The following CFAP95 variants were observed in gnomAD, a reference collection of about 807,000 sequenced individuals.
CFAP95 encodes cilia- and flagella-associated protein 95.
the CFAP95 span, among the ~76,000 whole-genome samples, chr9:69,900,773 C>G: frequency 6.6e-6 from 1 of 152,120 alleles, no homozygotes; most frequent in South Asian, 2.1e-4. Flanking sequence ...CTTAGTGGTT[C>G]CCTCTGTCTG....
the CFAP95 span, chr9:69,844,751 T>A: frequency 9.9e-6 from 6 of 607,468 alleles, no homozygotes; most frequent in Non-Finnish European, 1.7e-5. Context: ...CTTAGATGAC[T>A]TAGTCACTGT....
chr9:69,897,919 G>C, the CFAP95 span, among the ~76,000 whole-genome samples: 2 of 152,084 alleles, frequency 1.3e-5, no homozygotes, highest in African/African-American at 4.8e-5. Context: ...AGAAGGAAGA[G>C]AACAAGAAGA....
chr9:69,864,998 TATAATCCCC>T, the CFAP95 span, among the ~76,000 whole-genome samples: 8 of 152,196 alleles, frequency 5.3e-5, no homozygotes, highest in East Asian at 1.9e-4. Flanking sequence ...CATCTTGAAT[TATAATCCCC>T]ATAATCCCCA....
chr9:69,821,611 A>G, the CFAP95 span, among the ~76,000 whole-genome samples: 2 of 152,186 alleles, frequency 1.3e-5, no homozygotes, highest in East Asian at 1.9e-4. Flanking sequence ...TAGGGTGTAC[A>G]TGGAGTGATT....
the CFAP95 span, among the ~76,000 whole-genome samples, chr9:69,867,310 A>G: frequency 1.9e-4 from 29 of 152,314 alleles, no homozygotes; most frequent in East Asian, 5.4e-3. Context: ...TGGCATCCTG[A>G]TGGGCTGATG....
the CFAP95 span, chr9:69,902,298 G>T: frequency 2.2e-6 from 1 of 453,234 alleles, no homozygotes; most frequent in Non-Finnish European, 4.4e-6. Flanking sequence ...TCTTCTCTAA[G>T]CCTTCATAGC....
At chr9:69,871,574 T>TAA in the CFAP95 span, among the ~76,000 whole-genome samples, 20 of 132,040 alleles carry the variant, frequency 1.5e-4, no homozygotes, top group African/African-American at 4.7e-4. Context: ...TTAGATCTAG[T>TAA]AAAAAAAAAA....
At chr9:69,824,557 GC>G in the CFAP95 span, among the ~76,000 whole-genome samples, 4 of 149,140 alleles carry the variant, frequency 2.7e-5, no homozygotes, top group Non-Finnish European at 5.9e-5. Flanking sequence ...TCTATTTAAT[GC>G]TTTTTTTTTT....
chr9:69,888,855 G>A, the CFAP95 span, among the ~76,000 whole-genome samples: 7 of 150,998 alleles, frequency 4.6e-5, no homozygotes, highest in Non-Finnish European at 1.0e-4. Context: ...TCCAGCCTGG[G>A]TGATGGAGTG....
the CFAP95 span, among the ~76,000 whole-genome samples, chr9:69,897,066 A>G: frequency 3.0e-4 from 45 of 152,296 alleles, no homozygotes; most frequent in East Asian, 6.0e-3. Context: ...GTGCTTAACT[A>G]CCTTATTAGA....
At chr9:69,824,821 G>C in the CFAP95 span, among the ~76,000 whole-genome samples, 1 of 152,152 alleles carries the variant, frequency 6.6e-6, no homozygotes, top group East Asian at 1.9e-4. Context: ...ATTGTGACCA[G>C]AGGCTCACAG....
chr9:69,863,751 T>G, the CFAP95 span, among the ~76,000 whole-genome samples: 1 of 152,200 alleles, frequency 6.6e-6, no homozygotes, highest in South Asian at 2.1e-4. Context: ...GATCCAATTT[T>G]GAAAGGGAGA....
At chr9:69,901,176 C>A in the CFAP95 span, among the ~76,000 whole-genome samples, 3 of 149,412 alleles carry the variant, frequency 2.0e-5, no homozygotes, top group African/African-American at 7.4e-5. Flanking sequence ...CTTGCTCTGT[C>A]GCCCAGGCTG....
chr9:69,898,425 A>G, the CFAP95 span, among the ~76,000 whole-genome samples: 1 of 152,164 alleles, frequency 6.6e-6, no homozygotes, highest in South Asian at 2.1e-4. Context: ...ACCAATCAAC[A>G]TTGGGCAGGG....
the CFAP95 span, among the ~76,000 whole-genome samples, chr9:69,850,478 A>G: frequency 1.3e-5 from 2 of 152,244 alleles, no homozygotes; most frequent in East Asian, 3.8e-4. Context: ...GTGAATAAAA[A>G]TATGACATTT....
the CFAP95 span, among the ~76,000 whole-genome samples, chr9:69,831,231 T>G: frequency 6.6e-6 from 1 of 152,300 alleles, no homozygotes; most frequent in South Asian, 2.1e-4. Flanking sequence ...TAAATTTCAT[T>G]GCAAATAATT....
At chr9:69,879,497 G>A in the CFAP95 span, among the ~76,000 whole-genome samples, 6 of 152,096 alleles carry the variant, frequency 3.9e-5, no homozygotes, top group African/African-American at 7.2e-5. Flanking sequence ...AAAGCTATAC[G>A]TATTTATGAG....
At chr9:69,821,162 G>C in the CFAP95 span, 155 of 1,022,664 alleles carry the variant, frequency 1.5e-4, no homozygotes, top group Admixed American at 9.4e-5. Flanking sequence ...ACGGAAAAAA[G>C]AATGAGAAAA....
At chr9:69,859,436 T>C in the CFAP95 span, among the ~76,000 whole-genome samples, 1 of 152,176 alleles carries the variant, frequency 6.6e-6, no homozygotes, top group South Asian at 2.1e-4. Flanking sequence ...TTTTTTTTCT[T>C]CCCCATGCAT....
Sources: allele counts gnomAD v4.1 joint callset (sites outside exome capture counted in the v4.1 genomes callset), GRCh38; gene constraint gnomAD v4.1.1; transcripts MANE v1.5; gene names NCBI Gene and HGNC (gene_info 2026-07-23, HGNC 2026-07-21).